Variants in SEMA5A observed in about 807,000 individuals in gnomAD.
SEMA5A encodes the protein semaphorin-5A.
SEMA5A carries 55 observed loss-of-function variants against 135.5 expected under a neutral mutation model. That is an observed-to-expected ratio of 0.41 (90% CI 0.33 to 0.51). The LOEUF is 0.51. SEMA5A is among the 20% of genes least tolerant of loss of function. SEMA5A has a pLI of 0.37. For missense variants in SEMA5A, 1,290 were observed against 1,419.9 expected, an observed-to-expected ratio of 0.91 and a Z score of 1.47; for synonymous variants, 580 against 546.5, an observed-to-expected ratio of 1.06 and a Z score of -0.85.
At position 9,496,787 on chromosome 5, in the gene SEMA5A, C is replaced by T. The variant is rs569258895; in HGVS notation, c.-175+48797G>A. 7.9e-4 allele frequency among the ~76,000 whole-genome samples: 121 copies of T among 152,214 alleles called. 4 individuals are homozygous for T. In the South Asian group the frequency reaches 0.024, roughly 31 times the overall value. On this transcript the variant is annotated intron_variant, in intron 1 of 22. Transcript: ENST00000382496. ...GGCTGGGTCTCCAAAGGGACTGCCT[C>T]GATTTTTCACTTCTACAGAATTTTT...
chr5:9,348,251 C>T (rs1477827550), intron 3 of SEMA5A, among the ~76,000 whole-genome samples: 1 of 152,110 alleles, frequency 6.6e-6, no homozygotes, highest in Non-Finnish European at 1.5e-5. Context: ...CCATCTGAAG[C>T]AATTAATTAG....
intron 5 of SEMA5A, among the ~76,000 whole-genome samples, chr5:9,246,880 A>G (rs1748509810): frequency 6.6e-6 from 1 of 152,200 alleles, no homozygotes; most frequent in Non-Finnish European, 1.5e-5. Context: ...TTCACACGCC[A>G]GTTAACTACT....
At chr5:9,272,786 G>C (rs929940588) in intron 5 of SEMA5A, among the ~76,000 whole-genome samples, 2 of 152,122 alleles carry the variant, frequency 1.3e-5, no homozygotes, top group African/African-American at 4.8e-5. Context: ...ATGTTAGAAG[G>C]AACACTAACA....
At chr5:9,349,034 T>TA (rs545149563) in intron 3 of SEMA5A, among the ~76,000 whole-genome samples, 142 of 152,358 alleles carry the variant, frequency 9.3e-4, no homozygotes, top group African/African-American at 3.1e-3. Flanking sequence ...GGAAAATCTT[T>TA]AGCTTCTAAT....
At chr5:9,162,404 GTATA>G (rs140481114) in intron 11 of SEMA5A, among the ~76,000 whole-genome samples, 196 of 124,210 alleles carry the variant, frequency 1.6e-3, no homozygotes, top group African/African-American at 3.2e-3. Context: ...GTGTGTGTGT[GTATA>G]TATATGTGTG....
At chr5:9,395,306 A>T (rs1579470042) in intron 2 of SEMA5A, among the ~76,000 whole-genome samples, 1 of 152,186 alleles carries the variant, frequency 6.6e-6, no homozygotes, top group East Asian at 1.9e-4. Context: ...ACCTTCATAA[A>T]GCAGAGGTCT....
intron 1 of SEMA5A, among the ~76,000 whole-genome samples, chr5:9,518,720 G>A (rs981691600): frequency 6.6e-6 from 1 of 152,014 alleles, no homozygotes; most frequent in African/African-American, 2.4e-5. Context: ...CTTTTCAGAC[G>A]AGCTTGTGCA....
chr5:9,318,382 G>A lies in SEMA5A; in HGVS notation c.260C>T (p.Ser87Phe). ...ATAAATTGCACCTACCTGGATAAGA[G>A]ACAGATCCTCAAGCTGTAACCTGAA... ...YLFRLQLEDL[S>F]LIQAVEWECD... Residue 87 changes from serine to phenylalanine, a missense_variant, in exon 5 of 23, where the codon TCT becomes TTT. Coordinates refer to ENST00000382496, the MANE Select transcript of SEMA5A (RefSeq NM_003966.3). 6.2e-7 allele frequency: 1 copy of A among 1,612,538 alleles called. No homozygotes were observed. The highest frequency in any genetic ancestry group is 8.5e-7 in the Non-Finnish European group (1 of 1,179,326).
intron 5 of SEMA5A, among the ~76,000 whole-genome samples, chr5:9,297,251 C>T (rs937687641): frequency 6.6e-6 from 1 of 151,584 alleles, no homozygotes; most frequent in Non-Finnish European, 1.5e-5. Context: ...TTTTTTCTAT[C>T]GACTCAAATA....
intron 5 of SEMA5A, among the ~76,000 whole-genome samples, chr5:9,291,587 AAGAGAG>A (rs1250749271): frequency 7.1e-6 from 1 of 139,890 alleles, no homozygotes; most frequent in African/African-American, 2.6e-5. Flanking sequence ...AGAAGCAGGA[AAGAGAG>A]AGAGAGAGAG....
intron 4 of SEMA5A, among the ~76,000 whole-genome samples, chr5:9,323,286 A>C (rs1001728699): frequency 3.3e-5 from 5 of 152,230 alleles, no homozygotes; most frequent in Non-Finnish European, 7.3e-5. Context: ...ATTCAACAAA[A>C]GTATTTTTAT....
At chr5:9,202,304 TGC>T in intron 8 of SEMA5A, 64 bp from the exon 9 acceptor site, 1 of 1,539,032 alleles carries the variant, frequency 6.5e-7, no homozygotes, top group South Asian at 1.2e-5. Flanking sequence ...TGGTCTTGCC[TGC>T]TCAGTATTTC....
intron 8 of SEMA5A, among the ~76,000 whole-genome samples, chr5:9,215,911 ATTGT>A (rs1487852541): frequency 2.7e-5 from 4 of 149,818 alleles, no homozygotes; most frequent in Non-Finnish European, 5.9e-5. Context: ...TCTGATTTTG[ATTGT>A]TTGTTGTCTA....
chr5:9,066,155 C>G (rs924842240), intron 17 of SEMA5A, among the ~76,000 whole-genome samples: 1 of 152,162 alleles, frequency 6.6e-6, no homozygotes, highest in Non-Finnish European at 1.5e-5. Context: ...AAATCTCACA[C>G]AAATGATTCT....
In SEMA5A at chr5:9,113,822, T is replaced by C. The variant is rs148204925; in HGVS notation, c.1925+5176A>G. On this transcript the variant is annotated intron_variant, in intron 15 of 22. Coordinates refer to ENST00000382496, the MANE Select transcript of SEMA5A (RefSeq NM_003966.3). ...AGTAAATAAGAAGAATGCAGAGAAATTGGAACTCTCATGCGTTGCTGTTGG... is the reference window on the plus strand; with the variant it reads ...AGTAAATAAGAAGAATGCAGAGAAACTGGAACTCTCATGCGTTGCTGTTGG... Among the ~76,000 whole-genome samples, 217 of 152,280 alleles carry C rather than the reference T, an allele frequency of 1.4e-3. 3 individuals are homozygous for C. The East Asian group carries it at 0.024, about 17-fold the overall frequency.
chr5:9,456,699 C>A (rs1166489452), intron 1 of SEMA5A, among the ~76,000 whole-genome samples: 1 of 152,070 alleles, frequency 6.6e-6, no homozygotes, highest in African/African-American at 2.4e-5. Flanking sequence ...GCTGGAACCA[C>A]AAAAGCTTTT....
At chr5:9,502,827 G>A (rs1433884325) in intron 1 of SEMA5A, among the ~76,000 whole-genome samples, 3 of 152,156 alleles carry the variant, frequency 2.0e-5, no homozygotes, top group African/African-American at 4.8e-5. Context: ...TTGGGGGAAG[G>A]ACAGAGTGAC....
chr5:9,146,207 C>T (rs796330272), intron 12 of SEMA5A, among the ~76,000 whole-genome samples: 12 of 152,298 alleles, frequency 7.9e-5, no homozygotes, highest in African/African-American at 2.9e-4. Flanking sequence ...TGGAACCCCT[C>T]TTATCATGTC....
chr5:9,148,385 G>A (rs76629878), intron 12 of SEMA5A, among the ~76,000 whole-genome samples: 1 of 152,082 alleles, frequency 6.6e-6, no homozygotes, highest in Non-Finnish European at 1.5e-5. Context: ...TTCCTCTCTG[G>A]TGACTGTTCA....
Sources: allele counts gnomAD v4.1 joint callset (sites outside exome capture counted in the v4.1 genomes callset), GRCh38; gene constraint gnomAD v4.1.1; transcripts MANE v1.5; gene names NCBI Gene and HGNC (gene_info 2026-07-23, HGNC 2026-07-21).